Variants in TJP3 observed in about 807,000 individuals in gnomAD.
The protein encoded by TJP3 is tight junction protein ZO-3.
TJP3 carries 85 observed loss-of-function variants against 104.2 expected under a neutral mutation model. The ratio of observed to expected loss-of-function variants is 0.82; its 90% CI spans 0.68 to 0.98. The LOEUF (loss-of-function observed/expected upper bound fraction) is 0.98. Among genes scored for constraint, TJP3 ranks in the 50% least tolerant of loss-of-function variants. The pLI is 0.00. For synonymous variants in TJP3, 550 were observed against 550.6 expected (o/e 1.00, Z 0.02); for missense variants, 1,367 against 1,322.8 (o/e 1.03, Z -0.52).
At position 3,738,462 on chromosome 19, in the gene TJP3, G is replaced by A. The variant is rs934548787; in HGVS notation, c.1285-93G>A. 9.9e-6 allele frequency: 11 copies of A among 1,115,338 alleles called. No homozygotes were observed. In the African/African-American group the frequency reaches 1.1e-4, roughly 11 times the overall value. The allele number at this position is 1,115,338 out of a possible 1,614,324, so 69.1% of individuals were successfully genotyped here. A position where few individuals can be genotyped will look rare whatever the true frequency, so the allele number is the denominator to read the frequency against. The stretch of plus-strand genomic sequence containing the variant: ...CTTGGCAGCAGCTCTGGAAGCAGCT[G>A]GGGCTGAGTTTTGCCCAGAGGAAGG... On this transcript the variant is annotated intron_variant, in intron 11 of 20. Coordinates refer to ENST00000541714, the MANE Select transcript of TJP3 (RefSeq NM_001267560.2).
Position 3,730,162 on chromosome 19 carries a change from C to T in TJP3, c.261+32C>T, listed in dbSNP as rs1401913944. On this transcript the variant is annotated intron_variant, in intron 4 of 20. Coordinates refer to ENST00000541714, the MANE Select transcript of TJP3 (RefSeq NM_001267560.2). The surrounding 1 kb of genome is among the most constrained non-coding windows in gnomAD (Gnocchi z 7.3). The stretch of plus-strand genomic sequence containing the variant: ...AGGCAGCCCCTGGCATGGCCAGCAT[C>T]TCTGACCCCAGCCTGGGTCGTGCCG... 6 of 1,602,728 alleles carry T rather than the reference C, an allele frequency of 3.7e-6. No homozygotes were observed. The highest frequency in any genetic ancestry group is 5.1e-6 in the Non-Finnish European group (6 of 1,169,946).
intron 1 of TJP3, among the ~76,000 whole-genome samples, chr19:3,712,514 A>G (rs2036442692): frequency 6.6e-6 from 1 of 152,120 alleles, no homozygotes; most frequent in African/African-American, 2.4e-5. Context: ...CTTCCCTGAA[A>G]TACTGCTCAG....
intron 1 of TJP3, among the ~76,000 whole-genome samples, chr19:3,725,549 G>A (rs1303529863): frequency 6.6e-6 from 1 of 151,940 alleles, no homozygotes; most frequent in Non-Finnish European, 1.5e-5. Flanking sequence ...AAAAGTAGCT[G>A]GCTGTGGTTG....
At chr19:3,731,031 C>A (rs1000719376) in intron 5 of TJP3, among the ~76,000 whole-genome samples, 4 of 152,180 alleles carry the variant, frequency 2.6e-5, no homozygotes, top group Admixed American at 1.3e-4. Flanking sequence ...TCGCTCCCCC[C>A]ACCACAAATC....
intron 9 of TJP3, 102 bp from the exon 10 acceptor site, chr19:3,735,767 C>A: frequency 6.4e-7 from 1 of 1,573,286 alleles, no homozygotes. Flanking sequence ...GAGAAGGACT[C>A]GAGGTGGGTG....
intron 18 of TJP3, 124 bp from the exon 19 acceptor site, chr19:3,747,670 T>C: frequency 1.6e-6 from 2 of 1,224,156 alleles, no homozygotes; most frequent in Non-Finnish European, 2.2e-6. Flanking sequence ...AAGCCTCCAC[T>C]GAGGCTCCAG....
In TJP3 at chr19:3,716,416, C is replaced by T. The variant is rs76466933; in HGVS notation, c.-10+7855C>T. Among the ~76,000 whole-genome samples the T allele has an allele frequency of 4.7e-3, 699 of 148,360 alleles. 26 individuals carry two copies. The highest frequency in any genetic ancestry group is 0.016 in the African/African-American group (674 of 41,350). ...TGTCTCAAGACGTTGCCAAGGGTCC[C>T]CCTCTGGTGAGAGGCACTGGCTTGG... On this transcript the variant is annotated intron_variant, in intron 1 of 20. Transcript: ENST00000541714.
At chr19:3,739,612 G>A (rs759534870) in intron 13 of TJP3, among the ~76,000 whole-genome samples, 1 of 152,200 alleles carries the variant, frequency 6.6e-6, no homozygotes, top group Non-Finnish European at 1.5e-5. Flanking sequence ...TGTTGTTGCT[G>A]TAACAGATGC....
Position 3,746,904 on chromosome 19 carries a change from CAGGG to C in TJP3, c.2322+32_2322+35del. 1 of 1,437,090 alleles carries C rather than the reference CAGGG, an allele frequency of 7.0e-7. No individual in the cohort carries two copies. The highest frequency in any genetic ancestry group is 9.6e-7 in the Non-Finnish European group (1 of 1,036,734). The allele number at this position is 1,437,090 out of a possible 1,614,324, so 89.0% of individuals were successfully genotyped here. On this transcript the variant is annotated intron_variant, in intron 18 of 20. Transcript: ENST00000541714. This position sits in a 1 kb window ranked among gnomAD's most constrained non-coding sequence, Gnocchi z 4.1. ...ACTGCCGCGGTGTGGGTGGGTCGGG[CAGGG>C]AGGCCCCACAGACGCTGTGCAGGCC...
At chr19:3,718,617 C>T (rs1006523715) in intron 1 of TJP3, among the ~76,000 whole-genome samples, 2 of 151,536 alleles carry the variant, frequency 1.3e-5, no homozygotes, top group Non-Finnish European at 2.9e-5. Context: ...TACAGACGTG[C>T]GCCACCACGC....
intron 14 of TJP3, 91 bp from the exon 15 acceptor site, chr19:3,743,848 C>A: frequency 8.5e-7 from 1 of 1,178,882 alleles, no homozygotes; most frequent in Non-Finnish European, 1.3e-6. Flanking sequence ...AGGCTGTTTA[C>A]TATAAGGAAG....
intron 1 of TJP3, among the ~76,000 whole-genome samples, chr19:3,715,808 C>T (rs1599141877): frequency 6.6e-6 from 1 of 152,082 alleles, no homozygotes; most frequent in Non-Finnish European, 1.5e-5. Flanking sequence ...GTTGGAGTCT[C>T]GCTCTTGTCA....
intron 1 of TJP3, among the ~76,000 whole-genome samples, chr19:3,717,430 A>C (rs1568377705): frequency 7.8e-6 from 1 of 128,068 alleles, no homozygotes; most frequent in East Asian, 2.4e-4. Flanking sequence ...TATATATATA[A>C]TTTTATTTTT....
intron 8 of TJP3, 78 bp from the exon 9 acceptor site, chr19:3,735,488 C>T (rs1368060544): frequency 5.5e-5 from 79 of 1,444,862 alleles, no homozygotes; most frequent in East Asian, 9.1e-5. Context: ...CATGAACCAC[C>T]GTGCCCGGCC....
In TJP3 at chr19:3,739,012, C is replaced by A; in HGVS notation, c.1509C>A (p.His503Gln). The A allele has an allele frequency of 6.2e-7, 1 of 1,613,020 alleles. No individual in the cohort carries two copies. The highest frequency in any genetic ancestry group is 8.5e-7 in the Non-Finnish European group (1 of 1,179,790). ...GCTTCACCCGTGGCGACGTCTTCCA[C>A]GTGCTGGACACGCTGCACCCCGGCC... is the stretch of plus-strand genomic sequence containing the variant. ...GLGFTRGDVF[H>Q]VLDTLHPGPG... The change falls in exon 13 of 21, where the codon CAC (histidine) becomes CAA (glutamine). Residue 503 changes from histidine to glutamine, a missense_variant. Coordinates refer to ENST00000541714, the MANE Select transcript of TJP3 (RefSeq NM_001267560.2).
At chr19:3,747,428 A>G (rs961955598) in intron 18 of TJP3, among the ~76,000 whole-genome samples, 2 of 151,848 alleles carry the variant, frequency 1.3e-5, no homozygotes, top group African/African-American at 4.8e-5. Context: ...CCAGCTACTC[A>G]GGAGGCTGAG....
rs1288402044 is a variant in TJP3, at chr19:3,730,378, C to A, written c.285C>A (p.Ile95=). The part of the protein sequence containing the change: ...ANITVKRPRR[I]HLPATKASPS... ...AGACAGTGAAACGTCCCCGGAGGATCCACCTGCCCGCCACCAAAGCCAGCC... is the reference window on the plus strand; with the variant it reads ...AGACAGTGAAACGTCCCCGGAGGATACACCTGCCCGCCACCAAAGCCAGCC... The change falls in exon 5 of 21, where the codon ATC becomes ATA. Residue 95 remains isoleucine, a synonymous_variant. Transcript: ENST00000541714. The surrounding 1 kb of genome is among the most constrained non-coding windows in gnomAD (Gnocchi z 7.3). 1.3e-6 allele frequency: 2 copies of A among 1,544,754 alleles called. No individual in the cohort carries two copies. The highest frequency in any genetic ancestry group is 4.6e-5 in the East Asian group (2 of 43,298).
rs148225553 is a variant in TJP3 at position 3,728,613 on chromosome 19, C to T, written c.58C>T (p.Arg20Trp). Residue 20 changes from arginine to tryptophan, a missense_variant, in exon 3 of 21, where the codon CGG becomes TGG. Coordinates refer to ENST00000541714, the MANE Select transcript of TJP3 (RefSeq NM_001267560.2). ...CCTCATCCTCTCTCAGGACCCCCGC[C>T]GGGGCTTTGGCATTGCGATCTCTGG... Reference protein sequence around the residue: ...HTATLSKDPRRGFGIAISGGR... With the variant: ...HTATLSKDPRWGFGIAISGGR... 6.4e-5 allele frequency: 104 copies of T among 1,612,804 alleles called. No individual in the cohort carries two copies. The Admixed American group carries it at 6.5e-4, about 10-fold the overall frequency.
chr19:3,713,615 A>G (rs1473765584), intron 1 of TJP3, among the ~76,000 whole-genome samples: 1 of 152,132 alleles, frequency 6.6e-6, no homozygotes, highest in African/African-American at 2.4e-5. Context: ...TGACATATGT[A>G]CCCGTGTAAT....
Sources: gnomAD v4.1 joint callset for allele counts (sites outside exome capture counted in the v4.1 genomes callset) on GRCh38, gnomAD v4.1.1 for gene constraint, Gnocchi (gnomAD v3.1) non-coding constraint, MANE v1.5 for transcripts, NCBI Gene and HGNC (gene_info 2026-07-23, HGNC 2026-07-21) for gene names.